Variants in AMMECR1 observed in about 807,000 individuals in gnomAD.
AMMECR1 encodes nuclear protein AMMECR1.
AMMECR1 carries 3 observed loss-of-function variants against 22.5 expected under a neutral mutation model. The observed-to-expected ratio is 0.13, with a 90% CI of 0.06 to 0.35. The LOEUF is 0.35. Ranked by LOEUF, AMMECR1 falls within the 10% of genes least tolerant of loss-of-function variation. The probability of loss-of-function intolerance (pLI) is 1.00; values close to 1 mark genes in which losing one functional copy is unlikely to be tolerated. For missense variants in AMMECR1, 235 were observed against 278.7 expected, an observed-to-expected ratio of 0.84 and a Z score of 1.12; for synonymous variants, 130 against 116.7, an observed-to-expected ratio of 1.11 and a Z score of -0.74.
chrX:110,379,945 T>C (rs1031754007), intron 2 of AMMECR1, among the ~76,000 whole-genome samples: 2 of 111,916 alleles, frequency 1.8e-5, no homozygotes, highest in African/African-American at 6.5e-5. Flanking sequence ...GAAGAGATTA[T>C]TATAATCCTC....
chrX:110,354,604 A>G (rs2068223321), intron 2 of AMMECR1, among the ~76,000 whole-genome samples: 1 of 112,211 alleles, frequency 8.9e-6, no homozygotes, highest in Non-Finnish European at 1.9e-5. Flanking sequence ...TGTATATTAA[A>G]TAAAGCTATT....
At chrX:110,204,815 C>G (rs1196371523) in intron 3 of AMMECR1, among the ~76,000 whole-genome samples, 1 of 111,389 alleles carries the variant, frequency 9.0e-6, no homozygotes, top group Non-Finnish European at 1.9e-5. Context: ...AAAAATTACT[C>G]ACGAATAAGA....
intron 1 of AMMECR1, among the ~76,000 whole-genome samples, chrX:110,300,625 G>A (rs960860980): frequency 3.6e-5 from 4 of 112,066 alleles, no homozygotes; most frequent in African/African-American, 6.5e-5. Flanking sequence ...GAGAGTTGCC[G>A]TAAGTGGCCC....
At chrX:110,414,122 C>G (rs1490070433) in intron 2 of AMMECR1, among the ~76,000 whole-genome samples, 1 of 112,028 alleles carries the variant, frequency 8.9e-6, no homozygotes, top group Non-Finnish European at 1.9e-5. Context: ...AATCCTAAGT[C>G]TGGATAAATT....
chrX:110,373,538 CA>C (rs2068354355), intron 2 of AMMECR1, among the ~76,000 whole-genome samples: 1 of 111,268 alleles, frequency 9.0e-6, no homozygotes, highest in Non-Finnish European at 1.9e-5. Flanking sequence ...AGCTCACATG[CA>C]AAAAAATGAT....
intron 2 of AMMECR1, among the ~76,000 whole-genome samples, chrX:110,229,016 T>C (rs895004891): frequency 2.7e-5 from 3 of 112,440 alleles, no homozygotes; most frequent in Non-Finnish European, 5.6e-5. Flanking sequence ...ACTACAAAAT[T>C]GTTCAGGGCA....
chrX:110,262,429 G>T (rs1194773216), intron 2 of AMMECR1, among the ~76,000 whole-genome samples: 2 of 111,856 alleles, frequency 1.8e-5, no homozygotes, highest in Non-Finnish European at 3.8e-5. Flanking sequence ...AAGTAAACAG[G>T]AAGAGCTATA....
At chrX:110,210,036 G>A (rs1349206076) in intron 3 of AMMECR1, among the ~76,000 whole-genome samples, 1 of 110,765 alleles carries the variant, frequency 9.0e-6, no homozygotes, top group Non-Finnish European at 1.9e-5. Context: ...AACTTGAGGC[G>A]GCCTGAGAAG....
chrX:110,341,524 A>G (rs916748040), intron 2 of AMMECR1, among the ~76,000 whole-genome samples: 1 of 112,263 alleles, frequency 8.9e-6, no homozygotes, highest in Non-Finnish European at 1.9e-5. Context: ...TAGGGTGATG[A>G]AATCTTGCAC....
chrX:110,339,971 C>CAT (rs200081881), intron 2 of AMMECR1, among the ~76,000 whole-genome samples: 3 of 84,070 alleles, frequency 3.6e-5, no homozygotes, highest in Non-Finnish European at 6.6e-5. Flanking sequence ...GAAGGCAAAA[C>CAT]ATACACACAC....
intron 2 of AMMECR1, among the ~76,000 whole-genome samples, chrX:110,352,588 G>A: frequency 9.0e-6 from 1 of 111,698 alleles, no homozygotes; most frequent in Non-Finnish European, 1.9e-5. Context: ...TGATGGGCAT[G>A]GAGTTTCTTT....
At chrX:110,429,363 C>G (rs2068778058) in intron 1 of AMMECR1, among the ~76,000 whole-genome samples, 1 of 111,282 alleles carries the variant, frequency 9.0e-6, no homozygotes, top group Non-Finnish European at 1.9e-5. Context: ...CACTGCAAAC[C>G]TGATTTAAAT....
intron 3 of AMMECR1, among the ~76,000 whole-genome samples, chrX:110,208,633 C>G (rs1221957775): frequency 8.9e-6 from 1 of 112,196 alleles, no homozygotes; most frequent in South Asian, 3.7e-4. Flanking sequence ...ATAGCTGACA[C>G]ACAGCTTTAA....
At chrX:110,347,010 C>T (rs2068193203) in intron 2 of AMMECR1, 6 of 466,392 alleles carry the variant, frequency 1.3e-5, no homozygotes, top group Non-Finnish European at 2.4e-5. Flanking sequence ...TAGAAGGGCT[C>T]AGGAATACCA....
chrX:110,407,462 A>G (rs1223236865), intron 2 of AMMECR1, among the ~76,000 whole-genome samples: 1 of 112,420 alleles, frequency 8.9e-6, no homozygotes, highest in Non-Finnish European at 1.9e-5. Flanking sequence ...TGATTGCTAG[A>G]ATAATACAAA....
intron 1 of AMMECR1, among the ~76,000 whole-genome samples, chrX:110,274,682 CT>C (rs2067816934): frequency 8.9e-6 from 1 of 111,835 alleles, no homozygotes; most frequent in Admixed American, 9.5e-5. Context: ...TTTATGCAGC[CT>C]TTTAACTGGA....
At chrX:110,389,217 G>T (rs777643611) in intron 2 of AMMECR1, among the ~76,000 whole-genome samples, 36 of 112,843 alleles carry the variant, frequency 3.2e-4, no homozygotes, top group Admixed American at 7.5e-4. Flanking sequence ...AGAATATGCA[G>T]TATTTATTTT....
chrX:110,220,013 G>A (rs2067492803), intron 2 of AMMECR1, among the ~76,000 whole-genome samples: 1 of 111,886 alleles, frequency 8.9e-6, no homozygotes, highest in African/African-American at 3.2e-5. Flanking sequence ...GGCTGGTGTG[G>A]ATAGCTGATA....
intron 2 of AMMECR1, among the ~76,000 whole-genome samples, chrX:110,261,322 C>T (rs1330584598): frequency 9.0e-6 from 1 of 111,373 alleles, no homozygotes; most frequent in African/African-American, 3.3e-5. Flanking sequence ...GATGCCTATA[C>T]CTAGAATGCC....
Sources: allele counts gnomAD v4.1 joint callset (sites outside exome capture counted in the v4.1 genomes callset), GRCh38; gene constraint gnomAD v4.1.1; transcripts MANE v1.5; gene names NCBI Gene and HGNC (gene_info 2026-07-23, HGNC 2026-07-21).